DOCK2: variants seen among roughly 807,000 people sequenced by gnomAD.
DOCK2 encodes the protein dedicator of cytokinesis protein 2.
DOCK2 carries 87 observed loss-of-function variants against 248.9 expected under a neutral mutation model. That is an observed-to-expected ratio of 0.35 (90% CI 0.29 to 0.42). DOCK2 has a LOEUF of 0.42. Among genes scored for constraint, DOCK2 ranks in the 10% least tolerant of loss-of-function variants. The pLI is 1.00. For missense variants in DOCK2, 1,747 were observed against 2,300.2 expected (o/e 0.76, Z 4.92); for synonymous variants, 805 against 821.6 (o/e 0.98, Z 0.35).
rs1194894118 is a variant in DOCK2, at chr5:170,067,626, C to T, written c.4584C>T (p.Ser1528=). 3 of 1,614,090 alleles carry T rather than the reference C, an allele frequency of 1.9e-6. No homozygotes were observed. Among genetic ancestry groups the T allele is most frequent in the African/African-American group, 2.7e-5 (2 of 74,934 alleles). The change falls in exon 45 of 52, where the codon TCC becomes TCT. Residue 1528 remains serine, a synonymous_variant. Coordinates refer to ENST00000520908, the MANE Select transcript of DOCK2 (RefSeq NM_004946.3). ...AGACCCTCCCCATCAACCCACTCTC[C>T]ATGCTCCTGAACGGGATTGTGGACC... ...SDETLPINPL[S]MLLNGIVDPA... is the part of the protein sequence containing the mutation.
intron 27 of DOCK2, among the ~76,000 whole-genome samples, chr5:169,903,065 T>A (rs1471762170): frequency 6.6e-6 from 1 of 151,124 alleles, no homozygotes; most frequent in Non-Finnish European, 1.5e-5. Context: ...GCCACTGTAC[T>A]CCAGCCTGGC....
chr5:169,699,333 C>G, intron 11 of DOCK2, 49 bp from the exon 12 acceptor site: 1 of 1,578,906 alleles, frequency 6.3e-7, no homozygotes, highest in Non-Finnish European at 8.6e-7. Context: ...CCCCTTGAAA[C>G]GCAAGGAGGA....
chr5:169,820,564 T>A (rs1483145762), intron 26 of DOCK2, among the ~76,000 whole-genome samples: 6 of 136,170 alleles, frequency 4.4e-5, no homozygotes, highest in Admixed American at 3.5e-4. Context: ...GGGTCCTGAC[T>A]GTTAAAAGGA....
rs1289144330 is a variant in DOCK2, at chr5:170,075,999, A to G, written c.4781A>G (p.Asn1594Ser). 1.9e-6 allele frequency: 3 copies of G among 1,614,154 alleles called. No homozygotes were observed. The Admixed American group carries it at 5.0e-5, about 27-fold the overall frequency. Residue 1594 changes from asparagine to serine, a missense_variant, in exon 47 of 52, where the codon AAC becomes AGC. This residue lies in a region of DOCK2 where 513 missense variants were observed against 586.1 expected (regional missense o/e 0.88). Coordinates refer to ENST00000520908, the MANE Select transcript of DOCK2 (RefSeq NM_004946.3). The part of the protein sequence containing the change: ...IKIHEKRVSD[N>S]LRPFHDRMEE... ...ATCCATGAGAAAAGGGTGTCAGATA[A>G]CTTGCGACCCTTCCATGACCGGATG...
rs115675967 is a variant in DOCK2, at chr5:169,763,375, C to T, written c.2554+1750C>T. On this transcript the variant is annotated intron_variant, in intron 25 of 51. Coordinates refer to ENST00000520908, the MANE Select transcript of DOCK2 (RefSeq NM_004946.3). The surrounding 1 kb of genome is among the most constrained non-coding windows in gnomAD (Gnocchi z 4.1). ...TCCCATCCTAGAGACATGACAAGGA[C>T]GACTCTAGCTACGCATATGGTGTGG... Among the ~76,000 whole-genome samples, 9 of 152,304 alleles carry T rather than the reference C, an allele frequency of 5.9e-5. No homozygotes were observed. The highest frequency in any genetic ancestry group is 4.4e-5 in the Non-Finnish European group (3 of 68,022).
At chr5:169,752,894 G>A (rs1045872161) in intron 23 of DOCK2, among the ~76,000 whole-genome samples, 1 of 151,972 alleles carries the variant, frequency 6.6e-6, no homozygotes, top group African/African-American at 2.4e-5. Flanking sequence ...GTGAAATCTC[G>A]CCTCTACTAA....
intron 25 of DOCK2, among the ~76,000 whole-genome samples, chr5:169,788,469 A>G (rs1766129311): frequency 6.6e-6 from 1 of 152,208 alleles, no homozygotes; most frequent in Non-Finnish European, 1.5e-5. Flanking sequence ...AATGACTACT[A>G]AACTCAGTGT....
At chr5:169,665,010 A>G (rs1249974687) in intron 2 of DOCK2, among the ~76,000 whole-genome samples, 1 of 143,632 alleles carries the variant, frequency 7.0e-6, no homozygotes, top group Non-Finnish European at 1.5e-5. Context: ...GTATCAGCAT[A>G]TCTATATATG....
chr5:170,018,063 G>A (rs950398352), intron 32 of DOCK2, among the ~76,000 whole-genome samples: 1 of 152,202 alleles, frequency 6.6e-6, no homozygotes, highest in African/African-American at 2.4e-5. Flanking sequence ...ATGGTCTCTA[G>A]TGGGGGAGGC....
intron 2 of DOCK2, among the ~76,000 whole-genome samples, chr5:169,666,464 G>A (rs995626729): frequency 3.3e-5 from 5 of 152,140 alleles, no homozygotes; most frequent in Non-Finnish European, 5.9e-5. Flanking sequence ...TTGAACTCAG[G>A]AGCGGGTTCT....
At chr5:170,064,161 C>T (rs1435092853) in intron 44 of DOCK2, among the ~76,000 whole-genome samples, 1 of 152,048 alleles carries the variant, frequency 6.6e-6, no homozygotes, top group Admixed American at 6.6e-5. Context: ...CTACACAAGG[C>T]CAGTCTGACA....
At chr5:169,774,341 A>T (rs1435150629) in intron 25 of DOCK2, among the ~76,000 whole-genome samples, 1 of 152,150 alleles carries the variant, frequency 6.6e-6, no homozygotes, top group Non-Finnish European at 1.5e-5. Context: ...CAAATAATTA[A>T]CTAGTTTAAT....
chr5:169,827,024 C>T (rs562205440), intron 26 of DOCK2, among the ~76,000 whole-genome samples: 3 of 149,492 alleles, frequency 2.0e-5, no homozygotes, highest in African/African-American at 5.1e-5. Context: ...CGTAGTGAGT[C>T]GGTACCACTC....
At chr5:169,829,517 T>A (rs1769090348) in intron 26 of DOCK2, among the ~76,000 whole-genome samples, 1 of 152,228 alleles carries the variant, frequency 6.6e-6, no homozygotes, top group African/African-American at 2.4e-5. Flanking sequence ...CTGAGACGAT[T>A]GCTGCAGGGC....
At chr5:170,026,627 G>A (rs1215805242) in intron 33 of DOCK2, among the ~76,000 whole-genome samples, 1 of 152,150 alleles carries the variant, frequency 6.6e-6, no homozygotes, top group Admixed American at 6.5e-5. Context: ...TACTAAAATA[G>A]TAAAAACCAT....
At chr5:169,794,019 C>T (rs1766501236) in intron 25 of DOCK2, among the ~76,000 whole-genome samples, 1 of 152,194 alleles carries the variant, frequency 6.6e-6, no homozygotes, top group South Asian at 2.1e-4. Flanking sequence ...GGTTAATTTC[C>T]TTGCTGGTAG....
intron 26 of DOCK2, among the ~76,000 whole-genome samples, chr5:169,821,505 A>T (rs1006323280): frequency 2.0e-5 from 3 of 152,154 alleles, no homozygotes; most frequent in Non-Finnish European, 2.9e-5. Flanking sequence ...CCAGAATTTC[A>T]TATCCAGCCA....
At position 169,902,471 on chromosome 5, in the gene DOCK2, G is replaced by A. The variant is rs368751045; in HGVS notation, c.2799+61619G>A. Reference sequence around the variant, plus strand: ...CAGGGGTCATGCTCTTATCCACTACGTGATTCTGTAGCAAGAGGCCACAGG... The same window carrying A: ...CAGGGGTCATGCTCTTATCCACTACATGATTCTGTAGCAAGAGGCCACAGG... On this transcript the variant is annotated intron_variant, in intron 27 of 51. Transcript: ENST00000520908. 4.7e-4 allele frequency among the ~76,000 whole-genome samples: 71 copies of A among 152,314 alleles called. 1 individual carries two copies. The highest frequency in any genetic ancestry group is 1.6e-3 in the African/African-American group (66 of 41,574).
chr5:169,658,336 C>T (rs1230243256), intron 2 of DOCK2, among the ~76,000 whole-genome samples: 2 of 151,632 alleles, frequency 1.3e-5, no homozygotes, highest in African/African-American at 2.4e-5. Context: ...AAAAATTAGC[C>T]GGGCGTGGTG....
Sources: allele counts gnomAD v4.1 joint callset (sites outside exome capture counted in the v4.1 genomes callset), GRCh38; gene constraint gnomAD v4.1.1; regional missense constraint gnomAD v4.1.1; non-coding constraint Gnocchi (gnomAD v3.1); transcripts MANE v1.5; gene names NCBI Gene and HGNC (gene_info 2026-07-23, HGNC 2026-07-21).